The following SLPI variants were observed in gnomAD, a reference collection of about 807,000 sequenced individuals.
SLPI encodes secretory leukocyte peptidase inhibitor.
A neutral mutation model predicts 14.3 loss-of-function variants in SLPI; 20 were observed. The ratio of observed to expected loss-of-function variants is 1.40; its 90% CI spans 0.99 to 2.04. The LOEUF (loss-of-function observed/expected upper bound fraction) is 2.04. Ranked by LOEUF, SLPI falls within the 30% of genes most tolerant of loss-of-function variation. SLPI has a pLI of 0.00. For synonymous variants in SLPI, 68 were observed against 54.8 expected (o/e 1.24, Z -1.07); for missense variants, 169 against 159.4 (o/e 1.06, Z -0.32).
chr20:45,254,418 G>C lies in SLPI; in HGVS notation c.85+41C>G, dbSNP rs1317198425. On this transcript the variant is annotated intron_variant, in intron 1 of 3. Transcript: ENST00000338380. ...CACACCACAAGGAGACCCCACCTCT[G>C]ACCCTGCAGCCCAGATTAGACCAGA... The C allele has an allele frequency of 2.5e-6, 4 of 1,571,782 alleles. No individual in the cohort carries two copies. In the South Asian group the frequency reaches 4.4e-5, roughly 17 times the overall value.
rs1239438105 is a variant in SLPI, at chr20:45,253,142, T to C, written c.254A>G (p.Lys85Arg). Residue 85 changes from lysine (K) to arginine (R), a missense_variant, in exon 3 of 4, where the codon AAG (lysine) becomes AGG (arginine). Lys to Arg is a conservative substitution (Grantham distance 26, BLOSUM62 2). Coordinates refer to ENST00000338380, the MANE Select transcript of SLPI (RefSeq NM_003064.4). ...ATAAGTCACTGGGCACTTCCCAGGC[T>C]TCCTCCTTGCTGGGTGAGAGTGAGG... ...PVDTPNPTRRKPGKCPVTYGQ... is the reference protein window; with the variant it reads ...PVDTPNPTRRRPGKCPVTYGQ... 5 of 1,613,798 alleles carry C rather than the reference T, an allele frequency of 3.1e-6. No homozygotes were observed. The African/African-American group carries it at 6.7e-5, about 22-fold the overall frequency.
rs779044630 is a variant in SLPI at position 45,253,069 on chromosome 20, GC to G, written c.326del (p.Gly109AlafsTer7). The G allele has an allele frequency of 1.1e-4, 179 of 1,614,046 alleles. No homozygotes were observed. Among genetic ancestry groups the G allele is most frequent in the Non-Finnish European group, 1.5e-4 (175 of 1,180,012 alleles). On this transcript the variant is annotated frameshift_variant, in exon 3 of 4. Coordinates refer to ENST00000338380, the MANE Select transcript of SLPI (RefSeq NM_003064.4). LOFTEE classifies it high-confidence loss of function. ...AACACTTCAAGTCACGCTTGCACTG[GC>G]CATCCATCTCACAGAAATTGGGGGG... ...LNPPNFCEMDGQCKRDLKCCM... is the reference protein window; with the variant it reads ...LNPPNFCEMDXQCKRDLKCCM...
intron 1 of SLPI, 109 bp downstream of exon 1, chr20:45,254,350 G>A (rs1000771927): frequency 4.4e-6 from 4 of 911,890 alleles, no homozygotes; most frequent in East Asian, 2.7e-5. Context: ...GAGGTCTCCC[G>A]AAACTAAGCT....
At chr20:45,252,941 T>C in intron 3 of SLPI, 61 bp downstream of exon 3, 10 of 1,575,162 alleles carry the variant, frequency 6.3e-6, no homozygotes, top group Non-Finnish European at 8.7e-6. Flanking sequence ...TGCCTGGGCC[T>C]CCAGAGGGTT....
In SLPI at chr20:45,254,448, C is replaced by T; in HGVS notation, c.85+11G>A. The T allele has an allele frequency of 6.2e-6, 10 of 1,613,444 alleles. No individual in the cohort carries two copies. Among genetic ancestry groups the T allele is most frequent in the Non-Finnish European group, 8.5e-6 (10 of 1,179,438 alleles). ...TGCAGCCCAGATTAGACCAGAGTGA[C>T]TCCAACTTACACTTTCCAGAGCCTT... On this transcript the variant is annotated intron_variant, in intron 1 of 3. Transcript: ENST00000338380.
intron 1 of SLPI, 116 bp from the exon 2 acceptor site, chr20:45,253,849 C>A: frequency 1.2e-6 from 1 of 862,296 alleles, no homozygotes; most frequent in East Asian, 2.5e-5. Context: ...TAGCTGTCCA[C>A]AAAGCCCAAA....
chr20:45,252,940 C>T (rs1459515009), intron 3 of SLPI, 62 bp downstream of exon 3: 4 of 1,572,894 alleles, frequency 2.5e-6, no homozygotes, highest in Non-Finnish European at 3.5e-6. Context: ...ATGCCTGGGC[C>T]TCCAGAGGGT....
Position 45,252,306 on chromosome 20 carries a change from G to A in SLPI, c.*109C>T, listed in dbSNP as rs1190956883. 7 of 1,058,836 alleles carry A rather than the reference G, an allele frequency of 6.6e-6. No individual in the cohort carries two copies. Among genetic ancestry groups the A allele is most frequent in the African/African-American group, 1.6e-5 (1 of 61,744 alleles). 65.6% of individuals were successfully genotyped at this position (1,058,836 alleles called of 1,614,324 possible). On this transcript the variant is annotated 3_prime_UTR_variant, in exon 4 of 4. Coordinates refer to ENST00000338380, the MANE Select transcript of SLPI (RefSeq NM_003064.4). ...GGCACTTCTTGAAAGCCTGCTGTGT[G>A]CCAAGCCTTTCCCCAAAGGAGGATA... is the stretch of plus-strand genomic sequence containing the variant.
chr20:45,253,172 C>T (rs193135439), intron 2 of SLPI, 21 bp from the exon 3 acceptor site: 19 of 1,611,446 alleles, frequency 1.2e-5, no homozygotes, highest in South Asian at 9.9e-5. Context: ...GTGAGGCTAC[C>T]GGTCAGAGGC....
intron 1 of SLPI, among the ~76,000 whole-genome samples, 194 bp from the exon 2 acceptor site, chr20:45,253,927 C>T (rs1040120342): frequency 5.3e-5 from 8 of 152,068 alleles, no homozygotes; most frequent in African/African-American, 1.4e-4. Context: ...GGACAGGGGA[C>T]GTTTCACACC....
chr20:45,254,365 G>T, intron 1 of SLPI, 94 bp downstream of exon 1: 1 of 1,024,322 alleles, frequency 9.8e-7, no homozygotes, highest in Non-Finnish European at 1.5e-6. Flanking sequence ...TAAGCTGAGG[G>T]ATCAGAGCCT....
chr20:45,253,346 T>C (rs550503463), intron 2 of SLPI, among the ~76,000 whole-genome samples, 195 bp from the exon 3 acceptor site: 33 of 152,274 alleles, frequency 2.2e-4, no homozygotes, highest in South Asian at 6.2e-4. Flanking sequence ...AGGCCCCCCA[T>C]TGATGCAGGT....
In SLPI at chr20:45,253,090, G is replaced by T. The variant is rs559154076; in HGVS notation, c.306C>A (p.Pro102=). The T allele has an allele frequency of 1.1e-4, 178 of 1,613,934 alleles. No homozygotes were observed. In the South Asian group the frequency reaches 1.6e-3, roughly 15 times the overall value. ...TYGQCLMLNP[P]NFCEMDGQCK... ...ACTGGCCATCCATCTCACAGAAATTGGGGGGGTTAAGCATCAAACATTGGC... is the reference window on the plus strand; with the variant it reads ...ACTGGCCATCCATCTCACAGAAATTTGGGGGGTTAAGCATCAAACATTGGC... The change falls in exon 3 of 4, where the codon CCC becomes CCA. Residue 102 remains proline (P), a synonymous_variant. Coordinates refer to ENST00000338380, the MANE Select transcript of SLPI (RefSeq NM_003064.4).
rs1482728912 is a variant in SLPI at position 45,253,505 on chromosome 20, C to G, written c.244+70G>C. The stretch of plus-strand genomic sequence containing the variant: ...CAAGGAGGCCTGGCAGGACCCATCA[C>G]CCAGTTCCATCCCTCTAATGCTGTG... On this transcript the variant is annotated intron_variant, in intron 2 of 3. Coordinates refer to ENST00000338380, the MANE Select transcript of SLPI (RefSeq NM_003064.4). The G allele has an allele frequency of 2.1e-6, 3 of 1,459,036 alleles. No individual in the cohort carries two copies. The Admixed American group carries it at 5.6e-5, about 27-fold the overall frequency. 90.4% of individuals were successfully genotyped at this position (1,459,036 alleles called of 1,614,324 possible).
At chr20:45,252,864 C>G in intron 3 of SLPI, 138 bp downstream of exon 3, 1 of 924,672 alleles carries the variant, frequency 1.1e-6, no homozygotes, top group Non-Finnish European at 1.6e-6. Context: ...GAACAGTTCT[C>G]TTGAAGGACA....
At position 45,253,101 on chromosome 20, in the gene SLPI, G is replaced by A; in HGVS notation, c.295C>T (p.Leu99Phe). The A allele has an allele frequency of 1.2e-6, 2 of 1,614,200 alleles. No individual in the cohort carries two copies. Among genetic ancestry groups the A allele is most frequent in the Non-Finnish European group, 1.7e-6 (2 of 1,180,024 alleles). Residue 99 changes from leucine (L) to phenylalanine (F), a missense_variant, in exon 3 of 4, where the codon CTT becomes TTT. Physicochemically the swap from Leu to Phe is conservative, Grantham distance 22 (BLOSUM62 0). Coordinates refer to ENST00000338380, the MANE Select transcript of SLPI (RefSeq NM_003064.4). ...ATCTCACAGAAATTGGGGGGGTTAA[G>A]CATCAAACATTGGCCATAAGTCACT... Reference protein sequence around the residue: ...CPVTYGQCLMLNPPNFCEMDG... With the variant: ...CPVTYGQCLMFNPPNFCEMDG...
intron 2 of SLPI, among the ~76,000 whole-genome samples, chr20:45,253,355 G>A (rs1445571646): frequency 6.6e-6 from 1 of 152,150 alleles, no homozygotes; most frequent in East Asian, 1.9e-4. Flanking sequence ...ATTGATGCAG[G>A]TGGCCAGCCA....
chr20:45,254,338 G>A, intron 1 of SLPI, 121 bp downstream of exon 1: 1 of 772,350 alleles, frequency 1.3e-6, no homozygotes, highest in Non-Finnish European at 2.2e-6. Flanking sequence ...TCCACCCTCA[G>A]GGAGGTCTCC....
In SLPI at chr20:45,252,337, G is replaced by T; in HGVS notation, c.*78C>A. On this transcript the variant is annotated 3_prime_UTR_variant, in exon 4 of 4. Coordinates refer to ENST00000338380, the MANE Select transcript of SLPI (RefSeq NM_003064.4). ...CCTTTCCCCAAAGGAGGATATCAGTGGTGGAGCCAAGTCTCAGGGTGGAAA... is the reference window on the plus strand; with the variant it reads ...CCTTTCCCCAAAGGAGGATATCAGTTGTGGAGCCAAGTCTCAGGGTGGAAA... 1 of 1,443,272 alleles carries T rather than the reference G, an allele frequency of 6.9e-7. No homozygotes were observed. The highest frequency in any genetic ancestry group is 9.7e-7 in the Non-Finnish European group (1 of 1,036,086). 89.4% of individuals were successfully genotyped at this position (1,443,272 alleles called of 1,614,324 possible).
Sources: allele counts gnomAD v4.1 joint callset (sites outside exome capture counted in the v4.1 genomes callset), GRCh38; gene constraint gnomAD v4.1.1; transcripts MANE v1.5; gene names NCBI Gene and HGNC (gene_info 2026-07-23, HGNC 2026-07-21).